The following WDFY3 variants were observed in gnomAD, a reference collection of about 807,000 sequenced individuals.
WDFY3 encodes the protein WD repeat and FYVE domain containing 3, also known as WD repeat and FYVE domain-containing protein 3.
A neutral mutation model predicts 409.6 loss-of-function variants in WDFY3; 66 were observed. The observed-to-expected ratio is 0.16, with a 90% CI of 0.13 to 0.20. The LOEUF (loss-of-function observed/expected upper bound fraction) is 0.20, where lower values mean the gene tolerates loss of function less well. WDFY3 is among the 10% of genes least tolerant of loss of function. The pLI is 1.00. For synonymous variants in WDFY3, 1,521 were observed against 1,537.1 expected (o/e 0.99, Z 0.25); for missense variants, 3,031 against 4,298.1 (o/e 0.71, Z 8.24).
chr4:84,942,103 A>G (rs982210548), intron 1 of WDFY3, among the ~76,000 whole-genome samples: 2 of 152,134 alleles, frequency 1.3e-5, no homozygotes, highest in Non-Finnish European at 2.9e-5. Flanking sequence ...CTTCCAGAGG[A>G]AAACTTCGGG....
At chr4:84,779,055 A>ATT in intron 26 of WDFY3, among the ~76,000 whole-genome samples, 1 of 150,814 alleles carries the variant, frequency 6.6e-6, no homozygotes, top group Non-Finnish European at 1.5e-5. Context: ...GTTATAAAGT[A>ATT]TTTTTTTTTG....
At chr4:84,948,280 T>C (rs1000133329) in intron 1 of WDFY3, among the ~76,000 whole-genome samples, 14 of 152,312 alleles carry the variant, frequency 9.2e-5, no homozygotes, top group Admixed American at 3.3e-4. Flanking sequence ...GCATATTTAC[T>C]TCAGTGTGTA....
intron 18 of WDFY3, 57 bp downstream of exon 18, chr4:84,797,939 T>C: frequency 4.3e-6 from 6 of 1,395,538 alleles, no homozygotes; most frequent in South Asian, 3.7e-5. Context: ...ATAATATTCA[T>C]CCCCTACATG....
chr4:84,936,686 C>T (rs924691619), intron 1 of WDFY3, among the ~76,000 whole-genome samples: 2 of 151,902 alleles, frequency 1.3e-5, no homozygotes, highest in Non-Finnish European at 2.9e-5. Flanking sequence ...GTTTTAGAGT[C>T]CTCCTAAGGC....
intron 45 of WDFY3, among the ~76,000 whole-genome samples, chr4:84,725,481 C>T (rs1045592138): frequency 5.3e-5 from 8 of 152,008 alleles, no homozygotes; most frequent in African/African-American, 7.3e-5. Flanking sequence ...CTTAAAATCA[C>T]GGAAGATGAG....
chr4:84,774,754 C>T (rs1745260488), intron 29 of WDFY3, 66 bp downstream of exon 29: 2 of 1,487,814 alleles, frequency 1.3e-6, no homozygotes, highest in African/African-American at 2.8e-5. Flanking sequence ...AAATTCATCT[C>T]ATCCATCTTA....
At position 84,672,712 on chromosome 4, in the gene WDFY3, C is replaced by T. The variant is rs2148691544; in HGVS notation, c.*156G>A. On this transcript the variant is annotated 3_prime_UTR_variant, in exon 68 of 68. Coordinates refer to ENST00000295888, the MANE Select transcript of WDFY3 (RefSeq NM_014991.6). Reference sequence around the variant, plus strand: ...GTCTGCCCCATTCCTGTACTCTACACCCGTTTTATTCAATGATCCCTTTGA... The same window carrying T: ...GTCTGCCCCATTCCTGTACTCTACATCCGTTTTATTCAATGATCCCTTTGA... The T allele has an allele frequency of 1.8e-6, 2 of 1,087,506 alleles. No homozygotes were observed. Among genetic ancestry groups the T allele is most frequent in the East Asian group, 2.4e-5 (1 of 41,168 alleles). 67.4% of individuals were successfully genotyped at this position (1,087,506 alleles called of 1,614,324 possible).
intron 47 of WDFY3, 97 bp downstream of exon 47, chr4:84,721,312 A>G: frequency 6.9e-7 from 1 of 1,449,926 alleles, no homozygotes; most frequent in Non-Finnish European, 9.3e-7. Context: ...TACCGAGGCT[A>G]ATGCATTTAC....
At chr4:84,751,781 T>C in intron 35 of WDFY3, 65 bp from the exon 36 acceptor site, 1 of 1,560,614 alleles carries the variant, frequency 6.4e-7, no homozygotes, top group Non-Finnish European at 8.8e-7. Flanking sequence ...CTTCTGTGTT[T>C]CCTAAAAATA....
chr4:84,944,074 T>C (rs1772485095), intron 1 of WDFY3, among the ~76,000 whole-genome samples: 1 of 152,188 alleles, frequency 6.6e-6, no homozygotes, highest in African/African-American at 2.4e-5. Context: ...AAAAACTAAC[T>C]CGTGTAATGA....
intron 61 of WDFY3, among the ~76,000 whole-genome samples, chr4:84,689,495 T>C (rs1728887777): frequency 6.6e-6 from 1 of 152,222 alleles, no homozygotes; most frequent in Non-Finnish European, 1.5e-5. Context: ...ACTTTCTCCC[T>C]CTTTATATGG....
At chr4:84,719,677 A>C (rs1211667290) in intron 47 of WDFY3, among the ~76,000 whole-genome samples, 1 of 152,166 alleles carries the variant, frequency 6.6e-6, no homozygotes, top group Admixed American at 6.6e-5. Flanking sequence ...TACATATATT[A>C]TATATAAACA....
rs959378550 is a variant in WDFY3, at chr4:84,671,841, T to G, written c.*1027A>C. The G allele has an allele frequency of 6.6e-6, 1 of 152,560 alleles. No homozygotes were observed. Among genetic ancestry groups the G allele is most frequent in the Non-Finnish European group, 1.5e-5 (1 of 68,026 alleles). The allele number at this position is 152,560 out of a possible 1,614,324, so 9.5% of individuals were successfully genotyped here. A position where few individuals can be genotyped will look rare whatever the true frequency, so the allele number is the denominator to read the frequency against. ...TTTCTTTCCTTTTTTTACCCCTTGTTTGAAAATAAGCTATAGTAGAACATT... is the reference window on the plus strand; with the variant it reads ...TTTCTTTCCTTTTTTTACCCCTTGTGTGAAAATAAGCTATAGTAGAACATT... On this transcript the variant is annotated 3_prime_UTR_variant, in exon 68 of 68. Coordinates refer to ENST00000295888, the MANE Select transcript of WDFY3 (RefSeq NM_014991.6).
At chr4:84,788,524 A>G (rs942770711) in intron 22 of WDFY3, among the ~76,000 whole-genome samples, 4 of 152,236 alleles carry the variant, frequency 2.6e-5, no homozygotes, top group Non-Finnish European at 5.9e-5. Context: ...GAGAATCTAC[A>G]AACCCATTTC....
At chr4:84,900,718 G>GT (rs1766237645) in intron 2 of WDFY3, among the ~76,000 whole-genome samples, 1 of 152,134 alleles carries the variant, frequency 6.6e-6, no homozygotes, top group African/African-American at 2.4e-5. Flanking sequence ...GAACAAGGAA[G>GT]TTTTTTGGGT....
In WDFY3 at chr4:84,884,076, T is replaced by G. The variant is rs138323660; in HGVS notation, c.-32+12835A>C. Among the ~76,000 whole-genome samples the G allele has an allele frequency of 1.2e-4, 18 of 152,286 alleles. No homozygotes were observed. In the East Asian group the frequency reaches 3.5e-3, roughly 29 times the overall value. Reference sequence around the variant, plus strand: ...GACTCAAAAAGCTATAGATTACTTTTTAGTTTTTCTTTCTTTGTGAAATTA... The same window carrying G: ...GACTCAAAAAGCTATAGATTACTTTGTAGTTTTTCTTTCTTTGTGAAATTA... On this transcript the variant is annotated intron_variant, in intron 3 of 67. Transcript: ENST00000295888.
At chr4:84,903,649 G>A (rs898352093) in intron 2 of WDFY3, among the ~76,000 whole-genome samples, 1 of 151,972 alleles carries the variant, frequency 6.6e-6, no homozygotes, top group East Asian at 1.9e-4. Context: ...CATTCTCCTA[G>A]TCATTAGACT....
intron 1 of WDFY3, among the ~76,000 whole-genome samples, chr4:84,946,603 G>C (rs1208921140): frequency 6.6e-6 from 1 of 152,146 alleles, no homozygotes; most frequent in Non-Finnish European, 1.5e-5. Flanking sequence ...AAGGGAAAGA[G>C]ACAGGAAAAG....
intron 5 of WDFY3, among the ~76,000 whole-genome samples, chr4:84,844,193 G>A (rs1757765394): frequency 6.6e-6 from 1 of 152,098 alleles, no homozygotes; most frequent in African/African-American, 2.4e-5. Flanking sequence ...TGCAAAACAT[G>A]TTAATAAGTG....
Sources: allele counts gnomAD v4.1 joint callset (sites outside exome capture counted in the v4.1 genomes callset), GRCh38; gene constraint gnomAD v4.1.1; transcripts MANE v1.5; gene names NCBI Gene and HGNC (gene_info 2026-07-23, HGNC 2026-07-21).